CHST11: variants seen among roughly 807,000 people sequenced by gnomAD.
CHST11 encodes C4S-1.
A neutral mutation model predicts 30.4 loss-of-function variants in CHST11; 9 were observed. That is an observed-to-expected ratio of 0.30 (90% CI 0.18 to 0.52). CHST11 has a LOEUF of 0.52. CHST11 is among the 20% of genes least tolerant of loss of function. The pLI is 0.97. For synonymous variants in CHST11, 152 were observed against 187.8 expected, an observed-to-expected ratio of 0.81 and a Z score of 1.56; for missense variants, 348 against 460.6, an observed-to-expected ratio of 0.76 and a Z score of 2.24.
chr12:104,631,303 A>G (rs775590149), intron 2 of CHST11, among the ~76,000 whole-genome samples: 2 of 152,228 alleles, frequency 1.3e-5, no homozygotes, highest in Non-Finnish European at 1.5e-5. Flanking sequence ...CTCAGACCTC[A>G]TAGTTTGCAT....
chr12:104,626,072 G>T (rs2039212169), intron 2 of CHST11, among the ~76,000 whole-genome samples: 1 of 152,116 alleles, frequency 6.6e-6, no homozygotes, highest in South Asian at 2.1e-4. Context: ...TCACACAGGG[G>T]GACTGTTTAA....
chr12:104,699,649 A>G (rs1481294637), intron 2 of CHST11, among the ~76,000 whole-genome samples: 15 of 152,228 alleles, frequency 9.9e-5, no homozygotes, highest in South Asian at 2.1e-4. Context: ...AGGTTGACGC[A>G]TAACACGTGG....
intron 2 of CHST11, among the ~76,000 whole-genome samples, chr12:104,701,524 G>A (rs763937356): frequency 3.3e-5 from 5 of 152,020 alleles, no homozygotes; most frequent in East Asian, 1.9e-4. Flanking sequence ...AAGATGGGGC[G>A]GGCTGCCTGG....
intron 2 of CHST11, among the ~76,000 whole-genome samples, chr12:104,701,143 T>C (rs1358937239): frequency 6.6e-6 from 1 of 152,146 alleles, no homozygotes; most frequent in African/African-American, 2.4e-5. Context: ...AACCCCTCCA[T>C]CTGACACAGA....
At chr12:104,677,581 G>A (rs1391200389) in intron 2 of CHST11, among the ~76,000 whole-genome samples, 1 of 152,230 alleles carries the variant, frequency 6.6e-6, no homozygotes, top group Non-Finnish European at 1.5e-5. Flanking sequence ...GTCATGTGAT[G>A]TTTCTCCTTC....
intron 1 of CHST11, among the ~76,000 whole-genome samples, chr12:104,576,585 C>T (rs2038685731): frequency 6.6e-6 from 1 of 152,198 alleles, no homozygotes; most frequent in Non-Finnish European, 1.5e-5. Context: ...CAGAGAAGAG[C>T]TCTGAACTGG....
At chr12:104,703,676 C>T (rs1386285709) in intron 2 of CHST11, among the ~76,000 whole-genome samples, 2 of 151,662 alleles carry the variant, frequency 1.3e-5, no homozygotes, top group East Asian at 3.8e-4. Flanking sequence ...AGCTCAGAGC[C>T]TCCTTGTGGC....
chr12:104,669,281 G>C (rs1223682590), intron 2 of CHST11, among the ~76,000 whole-genome samples: 1 of 152,196 alleles, frequency 6.6e-6, no homozygotes, highest in Non-Finnish European at 1.5e-5. Flanking sequence ...CCACAATCAG[G>C]AGCCTGTTCT....
intron 1 of CHST11, among the ~76,000 whole-genome samples, chr12:104,529,698 T>C (rs1406469474): frequency 1.3e-5 from 2 of 152,066 alleles, no homozygotes; most frequent in African/African-American, 4.8e-5. Context: ...TTCCAGCCAG[T>C]AAGGGAAAAG....
intron 1 of CHST11, among the ~76,000 whole-genome samples, chr12:104,556,980 C>CAAA (rs529711471): frequency 1.3e-5 from 1 of 77,188 alleles, no homozygotes; most frequent in Admixed American, 1.4e-4. Flanking sequence ...GACTCTGTCT[C>CAAA]AAAAAAAAAA....
At position 104,480,655 on chromosome 12, in the gene CHST11, T is replaced by C. The variant is rs138991720; in HGVS notation, c.118+23126T>C. Among the ~76,000 whole-genome samples, 4 of 151,396 alleles carry C rather than the reference T, an allele frequency of 2.6e-5. No individual in the cohort carries two copies. The East Asian group carries it at 7.8e-4, about 29-fold the overall frequency. On this transcript the variant is annotated intron_variant, in intron 1 of 2. Coordinates refer to ENST00000303694, the MANE Select transcript of CHST11 (RefSeq NM_018413.6). ...AATCCAATATGACTAGCGTCCTTAT[T>C]ATAAGAGGAGAAGAGACACAGAAAC...
chr12:104,681,862 G>T (rs375403748), intron 2 of CHST11, among the ~76,000 whole-genome samples: 1 of 116,100 alleles, frequency 8.6e-6, no homozygotes, highest in Non-Finnish European at 1.6e-5. Flanking sequence ...ATGGAGTCTC[G>T]CTCTGTCGCC....
At chr12:104,542,987 A>T (rs2038300096) in intron 1 of CHST11, among the ~76,000 whole-genome samples, 1 of 152,198 alleles carries the variant, frequency 6.6e-6, no homozygotes, top group South Asian at 2.1e-4. Context: ...TGTTGCTATA[A>T]AGGGATACCT....
chr12:104,755,266 C>A (rs1477650083), intron 2 of CHST11, among the ~76,000 whole-genome samples: 1 of 152,208 alleles, frequency 6.6e-6, no homozygotes, highest in Non-Finnish European at 1.5e-5. Context: ...TTCACGGATA[C>A]AGCTGCATTC....
At chr12:104,519,380 A>G (rs1262207064) in intron 1 of CHST11, among the ~76,000 whole-genome samples, 1 of 152,186 alleles carries the variant, frequency 6.6e-6, no homozygotes, top group Non-Finnish European at 1.5e-5. Context: ...ACCATTAGCT[A>G]AAGCCAACTT....
At chr12:104,755,656 C>T (rs553520233) in intron 2 of CHST11, among the ~76,000 whole-genome samples, 7 of 152,192 alleles carry the variant, frequency 4.6e-5, no homozygotes, top group Admixed American at 2.0e-4. Flanking sequence ...CATGGTGATG[C>T]GTGCCTGTAA....
intron 1 of CHST11, among the ~76,000 whole-genome samples, chr12:104,496,688 A>C (rs1344472624): frequency 6.6e-6 from 1 of 152,146 alleles, no homozygotes; most frequent in Admixed American, 6.5e-5. Flanking sequence ...CTATGAAATG[A>C]AGTCTCTGTC....
chr12:104,567,654 T>A (rs2038581070), intron 1 of CHST11, among the ~76,000 whole-genome samples: 1 of 152,088 alleles, frequency 6.6e-6, no homozygotes, highest in Non-Finnish European at 1.5e-5. Flanking sequence ...TACCTGACAA[T>A]GTTGAGCAAG....
intron 2 of CHST11, among the ~76,000 whole-genome samples, chr12:104,637,849 C>G (rs946152569): frequency 3.8e-4 from 58 of 152,208 alleles, no homozygotes; most frequent in African/African-American, 1.2e-3. Flanking sequence ...CTCCTCCCTT[C>G]TCCCTTTGCC....
Sources: allele counts gnomAD v4.1 joint callset (sites outside exome capture counted in the v4.1 genomes callset), GRCh38; gene constraint gnomAD v4.1.1; transcripts MANE v1.5; gene names NCBI Gene and HGNC (gene_info 2026-07-23, HGNC 2026-07-21).